Variants in MOK observed in about 807,000 individuals in gnomAD.
The protein encoded by MOK is MAPK/MAK/MRK overlapping kinase.
In MOK, 59 loss-of-function variants were observed where a neutral mutation model predicts 54.2. That is an observed-to-expected ratio of 1.09 (90% CI 0.88 to 1.35). The LOEUF (loss-of-function observed/expected upper bound fraction) is 1.35. Among genes scored for constraint, MOK ranks in the 40% most tolerant of loss-of-function variants. MOK has a pLI of 0.00. For synonymous variants in MOK, 210 were observed against 202.7 expected (o/e 1.04, Z -0.31); for missense variants, 517 against 526.2 (o/e 0.98, Z 0.17).
intron 2 of MOK, chr14:102,277,276 T>A (rs1220666159): frequency 6.6e-6 from 1 of 151,892 alleles, no homozygotes; most frequent in East Asian, 1.9e-4. Flanking sequence ...GGAAAATGGA[T>A]AAAGAAATTG....
At chr14:102,251,489 G>T in intron 6 of MOK, 1 of 538,138 alleles carries the variant, frequency 1.9e-6, no homozygotes. Flanking sequence ...TAGAAGGTTT[G>T]AACGGCCGTC....
intron 2 of MOK, chr14:102,277,187 C>T (rs2068957680): frequency 6.6e-6 from 1 of 152,054 alleles, no homozygotes; most frequent in South Asian, 2.1e-4. Flanking sequence ...CCACCACACC[C>T]AGCCTAAGAA....
intron 1 of MOK, among the ~76,000 whole-genome samples, chr14:102,304,156 G>A (rs1055174144): frequency 3.2e-4 from 49 of 152,112 alleles, no homozygotes; most frequent in African/African-American, 1.2e-3. Flanking sequence ...TTGACAATTA[G>A]GATACAATGC....
At chr14:102,224,331 C>G (rs1005977694), downstream of MOK, among the ~76,000 whole-genome samples, 1 of 152,042 alleles carries the variant, frequency 6.6e-6, no homozygotes, top group Non-Finnish European at 1.5e-5. Flanking sequence ...TGAGCCACTG[C>G]GCCCGGCCTT....
intron 7 of MOK, 125 bp from the exon 8 acceptor site, chr14:102,233,914 C>A (rs1397673551): frequency 3.0e-6 from 2 of 665,664 alleles, no homozygotes; most frequent in East Asian, 5.4e-5. Flanking sequence ...TACCTACACC[C>A]TTCTGTAAGT....
At chr14:102,291,341 G>A (rs1331922569) in intron 1 of MOK, among the ~76,000 whole-genome samples, 3 of 152,146 alleles carry the variant, frequency 2.0e-5, no homozygotes, top group African/African-American at 7.2e-5. Context: ...TACAGGCCCT[G>A]GCCCTGACCA....
intron 1 of MOK, among the ~76,000 whole-genome samples, chr14:102,286,275 G>A (rs2070069588): frequency 7.1e-6 from 1 of 140,190 alleles, no homozygotes; most frequent in East Asian, 2.1e-4. Context: ...CTCCAGCCTG[G>A]GCGACAGAGC....
At chr14:102,302,416 T>C (rs1299048600) in intron 1 of MOK, among the ~76,000 whole-genome samples, 1 of 151,660 alleles carries the variant, frequency 6.6e-6, no homozygotes, top group Non-Finnish European at 1.5e-5. Context: ...TATACATATT[T>C]ATTTTCTTTT....
chr14:102,252,803 T>C lies in MOK; in HGVS notation c.284-808A>G, dbSNP rs904128501. On this transcript the variant is annotated intron_variant, in intron 4 of 11. Coordinates refer to ENST00000361847, the MANE Select transcript of MOK (RefSeq NM_014226.3). Reference sequence around the variant, plus strand: ...AATATATGGAAGAGACTGCAAAGCATATAAATGTATCCCAGCCAACCCTTA... The same window carrying C: ...AATATATGGAAGAGACTGCAAAGCACATAAATGTATCCCAGCCAACCCTTA... Among the ~76,000 whole-genome samples, 10 of 152,312 alleles carry C rather than the reference T, an allele frequency of 6.6e-5. No individual in the cohort carries two copies. The East Asian group carries it at 1.7e-3, about 26-fold the overall frequency.
intron 2 of MOK, 49 bp from the exon 3 acceptor site, chr14:102,265,961 T>G: frequency 7.6e-7 from 1 of 1,315,100 alleles, no homozygotes. Context: ...TAGGTCAACT[T>G]CAAAATTAGA....
chr14:102,294,499 C>T (rs1490579574), intron 1 of MOK, among the ~76,000 whole-genome samples: 1 of 151,924 alleles, frequency 6.6e-6, no homozygotes, highest in Non-Finnish European at 1.5e-5. Context: ...CCTGTAGCCC[C>T]GGCCACTTGG....
chr14:102,233,462 A>T, intron 8 of MOK: 1 of 519,002 alleles, frequency 1.9e-6, no homozygotes, highest in Non-Finnish European at 3.5e-6. Flanking sequence ...AAAGCCTGTG[A>T]CAAATCTTTC....
Position 102,276,490 on chromosome 14 carries a change from A to C in MOK, c.122+6988T>G, listed in dbSNP as rs1047569503. ...ACACTCTGTCTCAAATAAATAAATTAATTAATTAAATTAAATAAAAAAATA... is the reference window on the plus strand; with the variant it reads ...ACACTCTGTCTCAAATAAATAAATTCATTAATTAAATTAAATAAAAAAATA... On this transcript the variant is annotated intron_variant, in intron 2 of 11. Coordinates refer to ENST00000361847, the MANE Select transcript of MOK (RefSeq NM_014226.3). Among the ~76,000 whole-genome samples, 7 of 152,086 alleles carry C rather than the reference A, an allele frequency of 4.6e-5. No individual in the cohort carries two copies. In the South Asian group the frequency reaches 6.2e-4, roughly 14 times the overall value.
intron 1 of MOK, among the ~76,000 whole-genome samples, chr14:102,284,609 C>A (rs892732927): frequency 6.6e-6 from 1 of 152,118 alleles, no homozygotes; most frequent in Admixed American, 6.6e-5. Flanking sequence ...AGTAAGACTG[C>A]AACAACATTG....
At chr14:102,243,210 C>G (rs2065848058) in intron 7 of MOK, among the ~76,000 whole-genome samples, 1 of 152,172 alleles carries the variant, frequency 6.6e-6, no homozygotes, top group Non-Finnish European at 1.5e-5. Context: ...CCTAACAAAA[C>G]CATTACATAA....
At chr14:102,246,322 C>T (rs796208049) in intron 7 of MOK, 1 of 152,120 alleles carries the variant, frequency 6.6e-6, no homozygotes, top group Non-Finnish European at 1.5e-5. Context: ...GGATAATCGA[C>T]CTTTTCTTCC....
chr14:102,232,565 G>A lies in MOK; in HGVS notation c.836C>T (p.Ala279Val). The A allele has an allele frequency of 1.9e-6, 3 of 1,614,008 alleles. No homozygotes were observed. The highest frequency in any genetic ancestry group is 2.2e-5 in the East Asian group (1 of 44,878). ...TTCTTGGAAGTAGGGGTGCTGCAGGGCCTGGTGGGCGGCGATTCTCTCATC... is the reference window on the plus strand; with the variant it reads ...TTCTTGGAAGTAGGGGTGCTGCAGGACCTGGTGGGCGGCGATTCTCTCATC... ...DPDERIAAHQALQHPYFQEQR... is the reference protein window; with the variant it reads ...DPDERIAAHQVLQHPYFQEQR... The change falls in exon 9 of 12, where the codon GCC (alanine) becomes GTC (valine). Residue 279 changes from alanine to valine, a missense_variant. Ala to Val is a moderately conservative substitution (Grantham distance 64). Transcript: ENST00000361847. This position sits in a 1 kb window ranked among gnomAD's most constrained non-coding sequence, Gnocchi z 5.1.
chr14:102,251,345 C>A (rs2153110343), intron 6 of MOK: 1 of 388,638 alleles, frequency 2.6e-6, no homozygotes, highest in African/African-American at 2.1e-5. Flanking sequence ...AGCCACACAG[C>A]CTCAGAGGAC....
chr14:102,298,757 C>A (rs116435105), intron 1 of MOK, among the ~76,000 whole-genome samples: 1 of 152,164 alleles, frequency 6.6e-6, no homozygotes, highest in Non-Finnish European at 1.5e-5. Flanking sequence ...TTCTTTCACC[C>A]TTTAAAATAA....
Sources: gnomAD v4.1 joint callset for allele counts (sites outside exome capture counted in the v4.1 genomes callset) on GRCh38, gnomAD v4.1.1 for gene constraint, Gnocchi (gnomAD v3.1) non-coding constraint, MANE v1.5 for transcripts, NCBI Gene and HGNC (gene_info 2026-07-23, HGNC 2026-07-21) for gene names.